Variants in PAX5 observed in about 807,000 individuals in gnomAD.
The protein encoded by PAX5 is paired box protein Pax-5.
Under a neutral mutation model 43.7 loss-of-function variants are expected in PAX5, and 9 were observed. The ratio of observed to expected loss-of-function variants is 0.21; its 90% confidence interval spans 0.12 to 0.36. PAX5 has a LOEUF of 0.36. Among genes scored for constraint, PAX5 ranks in the 10% least tolerant of loss-of-function variants. The probability of loss-of-function intolerance (pLI) is 1.00; values close to 1 mark genes in which losing one functional copy is unlikely to be tolerated. For synonymous variants in PAX5, 228 were observed against 214.3 expected (o/e 1.06, Z -0.56); for missense variants, 383 against 532.7 (o/e 0.72, Z 2.77).
intron 5 of PAX5, among the ~76,000 whole-genome samples, chr9:36,997,205 CT>C (rs1837468854): frequency 6.6e-6 from 1 of 152,182 alleles, no homozygotes; most frequent in Admixed American, 6.5e-5. Flanking sequence ...CCTGGCTGCC[CT>C]TCCTGTGCCC....
At chr9:36,926,868 C>T (rs1830683320) in intron 6 of PAX5, among the ~76,000 whole-genome samples, 1 of 152,112 alleles carries the variant, frequency 6.6e-6, no homozygotes, top group Non-Finnish European at 1.5e-5. Flanking sequence ...ACACATTGGC[C>T]CAGAAATTCC....
chr9:36,899,357 G>C (rs1732610123), intron 7 of PAX5, among the ~76,000 whole-genome samples: 1 of 152,214 alleles, frequency 6.6e-6, no homozygotes, highest in South Asian at 2.1e-4. Flanking sequence ...CCCTTCTGGT[G>C]CAGGTACTAT....
At chr9:36,988,662 CAAAAAAAAA>C (rs139552622) in intron 5 of PAX5, among the ~76,000 whole-genome samples, 4 of 103,508 alleles carry the variant, frequency 3.9e-5, no homozygotes, top group African/African-American at 4.0e-5. Flanking sequence ...GACCCTGTCT[CAAAAAAAAA>C]AAAAAAAAAA....
intron 5 of PAX5, among the ~76,000 whole-genome samples, chr9:36,988,013 A>C (rs372219624): frequency 2.0e-5 from 3 of 152,214 alleles, no homozygotes; most frequent in African/African-American, 2.4e-5. Context: ...AAAGGAAACG[A>C]AGAGCGAGAA....
At chr9:36,848,649 G>A (rs567269061) in intron 8 of PAX5, among the ~76,000 whole-genome samples, 54 of 152,166 alleles carry the variant, frequency 3.5e-4, no homozygotes, top group Non-Finnish European at 7.5e-4. Context: ...CTGAGCACCC[G>A]TGGACCTGCC....
intron 8 of PAX5, 91 bp from the exon 9 acceptor site, chr9:36,847,020 G>A: frequency 2.4e-6 from 2 of 837,216 alleles, no homozygotes; most frequent in South Asian, 3.0e-5. Context: ...GGTTGCCAAT[G>A]GCATTTGCCT....
At chr9:36,881,197 T>C (rs1300825566) in intron 8 of PAX5, among the ~76,000 whole-genome samples, 1 of 152,240 alleles carries the variant, frequency 6.6e-6, no homozygotes, top group East Asian at 1.9e-4. Flanking sequence ...CTGAACTATT[T>C]GTCTATTAAA....
At chr9:36,845,021 T>C (rs1049979702) in intron 9 of PAX5, among the ~76,000 whole-genome samples, 4 of 152,244 alleles carry the variant, frequency 2.6e-5, no homozygotes, top group African/African-American at 9.6e-5. Context: ...TGCAGCCCCG[T>C]GCCAGGGCTC....
chr9:36,989,244 G>A (rs988290915), intron 5 of PAX5, among the ~76,000 whole-genome samples: 38 of 152,220 alleles, frequency 2.5e-4, no homozygotes, highest in African/African-American at 9.2e-4. Context: ...CCCCATGTTG[G>A]AGAGAGCTGA....
chr9:36,954,327 A>G (rs1229920416), intron 6 of PAX5, among the ~76,000 whole-genome samples: 1 of 152,208 alleles, frequency 6.6e-6, no homozygotes, highest in African/African-American at 2.4e-5. Context: ...TATTGTAAAG[A>G]TCAGAGTAAT....
intron 7 of PAX5, among the ~76,000 whole-genome samples, chr9:36,919,372 C>A (rs1829959516): frequency 6.6e-6 from 1 of 152,232 alleles, no homozygotes; most frequent in Non-Finnish European, 1.5e-5. Context: ...CCTGCTAACA[C>A]AACACCCATT....
chr9:37,023,648 G>T (rs148699707), intron 1 of PAX5, among the ~76,000 whole-genome samples: 1 of 152,164 alleles, frequency 6.6e-6, no homozygotes, highest in Admixed American at 6.5e-5. Context: ...CCCTGATAAG[G>T]TCATGCTACC....
intron 5 of PAX5, among the ~76,000 whole-genome samples, chr9:36,995,092 C>G (rs1189624752): frequency 6.6e-6 from 1 of 152,218 alleles, no homozygotes; most frequent in Admixed American, 6.5e-5. Flanking sequence ...CCTTGGAAAG[C>G]CCCAGCAGAG....
intron 8 of PAX5, among the ~76,000 whole-genome samples, chr9:36,851,251 C>A (rs902861312): frequency 1.3e-5 from 2 of 152,146 alleles, no homozygotes; most frequent in African/African-American, 4.8e-5. Flanking sequence ...GAAGAAAGAG[C>A]CTCCTCTGAA....
intron 6 of PAX5, among the ~76,000 whole-genome samples, chr9:36,948,658 A>C (rs1832747665): frequency 6.6e-6 from 1 of 152,140 alleles, no homozygotes. Flanking sequence ...AGCAAACAGT[A>C]AAAACAGAGA....
intron 7 of PAX5, among the ~76,000 whole-genome samples, chr9:36,896,006 A>C (rs897392610): frequency 6.6e-6 from 1 of 152,134 alleles, no homozygotes; most frequent in Non-Finnish European, 1.5e-5. Flanking sequence ...GCCCTCGGGC[A>C]GGTCCCCTCT....
intron 6 of PAX5, among the ~76,000 whole-genome samples, chr9:36,942,640 C>T (rs986724323): frequency 6.6e-6 from 1 of 152,218 alleles, no homozygotes; most frequent in African/African-American, 2.4e-5. Context: ...TCTGCCTCTA[C>T]CAGAGGGGTG....
At chr9:36,973,470 A>C (rs1310051161) in intron 5 of PAX5, among the ~76,000 whole-genome samples, 3 of 152,188 alleles carry the variant, frequency 2.0e-5, no homozygotes, top group Non-Finnish European at 4.4e-5. Context: ...GAGTCCAATG[A>C]GCTTGGAATT....
chr9:36,958,795 C>T (rs1833711720), intron 6 of PAX5, among the ~76,000 whole-genome samples: 1 of 152,218 alleles, frequency 6.6e-6, no homozygotes, highest in Non-Finnish European at 1.5e-5. Flanking sequence ...AGTCCCCTCG[C>T]ACCTCACCAA....
Sources: allele counts gnomAD v4.1 joint callset (sites outside exome capture counted in the v4.1 genomes callset), GRCh38; gene constraint gnomAD v4.1.1; transcripts MANE v1.5; gene names NCBI Gene and HGNC (gene_info 2026-07-23, HGNC 2026-07-21).